Variants in SAP30BP observed in about 807,000 individuals in gnomAD.
The protein encoded by SAP30BP is SAP30-binding protein.
A neutral mutation model predicts 46.3 loss-of-function variants in SAP30BP; 31 were observed. That is an observed-to-expected ratio of 0.67 (90% CI 0.50 to 0.90). The LOEUF (loss-of-function observed/expected upper bound fraction) is 0.90, where lower values mean the gene tolerates loss of function less well. Among genes scored for constraint, SAP30BP ranks in the 40% least tolerant of loss-of-function variants. SAP30BP has a pLI of 0.00. For synonymous variants in SAP30BP, 169 were observed against 144.2 expected (o/e 1.17, Z -1.23); for missense variants, 312 against 391.0 (o/e 0.80, Z 1.70).
chr17:75,693,234 G>A (rs989876989), intron 3 of SAP30BP: 9 of 564,744 alleles, frequency 1.6e-5, no homozygotes, highest in African/African-American at 1.3e-4. Context: ...CGTGGGGCTC[G>A]GGAGCATCCG....
rs1293741066 is a variant in SAP30BP, at chr17:75,693,500, C to T, written c.307+18C>T. On this transcript the variant is annotated intron_variant, in intron 4 of 10. Transcript: ENST00000584667. ...ACTCGTGGGTGAGTATTGGGGGATC[C>T]TGGGGGCACGTTTCTCAGCCTTGCT... is the stretch of plus-strand genomic sequence containing the variant. The T allele has an allele frequency of 1.2e-6, 2 of 1,612,666 alleles. No individual in the cohort carries two copies. The highest frequency in any genetic ancestry group is 2.2e-5 in the South Asian group (2 of 90,908).
At chr17:75,679,179 G>A (rs978922585) in intron 3 of SAP30BP, among the ~76,000 whole-genome samples, 8 of 151,916 alleles carry the variant, frequency 5.3e-5, no homozygotes, top group Non-Finnish European at 1.2e-4. Context: ...TGTATTTTTA[G>A]TAGAGACAGG....
At chr17:75,669,065 C>T (rs572125074) in intron 2 of SAP30BP, among the ~76,000 whole-genome samples, 1 of 151,100 alleles carries the variant, frequency 6.6e-6, no homozygotes, top group African/African-American at 2.4e-5. Context: ...TCGTTTTCAC[C>T]TGCTTTTTCT....
chr17:75,695,159 C>A (rs556452139), intron 4 of SAP30BP, among the ~76,000 whole-genome samples: 6 of 152,318 alleles, frequency 3.9e-5, no homozygotes, highest in South Asian at 2.1e-4. Context: ...ATCTCCCCAC[C>A]CTGGCCCTAC....
chr17:75,706,747 C>T lies in SAP30BP; in HGVS notation c.*226C>T. 1 of 566,920 alleles carries T rather than the reference C, an allele frequency of 1.8e-6. No homozygotes were observed. The highest frequency in any genetic ancestry group is 3.1e-6 in the Non-Finnish European group (1 of 318,254). 35.1% of individuals were successfully genotyped at this position (566,920 alleles called of 1,614,324 possible). On this transcript the variant is annotated 3_prime_UTR_variant, in exon 11 of 11. Transcript: ENST00000584667. This position sits in a 1 kb window ranked among gnomAD's most constrained non-coding sequence, Gnocchi z 4.6. ...TGGGGTCTGCCGCCTATTAAAAGTG[C>T]CGTATTCTTACCTCTTGGCATCTCA...
intron 3 of SAP30BP, among the ~76,000 whole-genome samples, chr17:75,686,230 G>A (rs2060153902): frequency 6.6e-6 from 1 of 152,172 alleles, no homozygotes. Flanking sequence ...AACCTTCTGT[G>A]GTTGGGGCCG....
chr17:75,688,311 G>C (rs2060192012), intron 3 of SAP30BP, among the ~76,000 whole-genome samples: 1 of 152,210 alleles, frequency 6.6e-6, no homozygotes, highest in Admixed American at 6.5e-5. Flanking sequence ...GCCATGGGCT[G>C]TCCCAGGTCT....
intron 2 of SAP30BP, 75 bp downstream of exon 2, chr17:75,668,700 T>C (rs112387675): frequency 2.0e-6 from 2 of 978,774 alleles, no homozygotes. Flanking sequence ...GTGCCAACAG[T>C]GTTCCATTTC....
At chr17:75,677,432 CTTT>C (rs35570298) in intron 3 of SAP30BP, among the ~76,000 whole-genome samples, 3 of 118,294 alleles carry the variant, frequency 2.5e-5, no homozygotes, top group Non-Finnish European at 1.7e-5. Flanking sequence ...GTGAAACTGG[CTTT>C]TTTTTTTTTT....
chr17:75,696,400 C>A (rs938303469), intron 4 of SAP30BP, among the ~76,000 whole-genome samples: 3 of 151,120 alleles, frequency 2.0e-5, no homozygotes, highest in African/African-American at 7.3e-5. Flanking sequence ...AAAAATTAGC[C>A]AGGCATGGTG....
intron 3 of SAP30BP, among the ~76,000 whole-genome samples, chr17:75,677,648 G>A (rs1306818105): frequency 7.5e-6 from 1 of 133,514 alleles, no homozygotes; most frequent in East Asian, 2.2e-4. Flanking sequence ...GTTTCACCAT[G>A]TTGGTGAGGC....
rs1433609424 is a variant in SAP30BP, at chr17:75,706,514, A to G, written c.920A>G (p.Lys307Arg). The G allele has an allele frequency of 6.2e-7, 1 of 1,613,880 alleles. No homozygotes were observed. The highest frequency in any genetic ancestry group is 8.5e-7 in the Non-Finnish European group (1 of 1,179,988). The change falls in exon 11 of 11, where the codon AAG becomes AGG. Residue 307 changes from lysine to arginine, a missense_variant. Coordinates refer to ENST00000584667, the MANE Select transcript of SAP30BP (RefSeq NM_013260.8). This position sits in a 1 kb window ranked among gnomAD's most constrained non-coding sequence, Gnocchi z 4.6. ...GTGGGCACCATTGTGAAGAAGGCCA[A>G]GCAGTGACCTGAGGGGCCACCCTAG... ...SAVGTIVKKA[K>R]Q
At chr17:75,703,112 G>C in intron 6 of SAP30BP, 199 bp from the exon 7 acceptor site, 1 of 588,436 alleles carries the variant, frequency 1.7e-6, no homozygotes, top group Middle Eastern at 4.1e-4. Context: ...CCGTCACCTT[G>C]ACCCTGTGCT....
intron 3 of SAP30BP, among the ~76,000 whole-genome samples, chr17:75,675,992 G>T (rs575923398): frequency 6.6e-6 from 1 of 152,156 alleles, no homozygotes; most frequent in African/African-American, 2.4e-5. Flanking sequence ...AAATGTTAAT[G>T]CAAAGAGTGG....
chr17:75,699,604 C>T (rs921576563), intron 4 of SAP30BP, among the ~76,000 whole-genome samples, 179 bp from the exon 5 acceptor site: 7 of 152,182 alleles, frequency 4.6e-5, no homozygotes, highest in African/African-American at 7.2e-5. Context: ...CCACCCCTTC[C>T]GGTCATTCAG....
At chr17:75,681,620 T>C (rs950703755) in intron 3 of SAP30BP, among the ~76,000 whole-genome samples, 1 of 152,190 alleles carries the variant, frequency 6.6e-6, no homozygotes, top group African/African-American at 2.4e-5. Flanking sequence ...AGGAAGAACT[T>C]TGAGGAGCCT....
At position 75,694,726 on chromosome 17, in the gene SAP30BP, C is replaced by T. The variant is rs549295359; in HGVS notation, c.307+1244C>T. On this transcript the variant is annotated intron_variant, in intron 4 of 10. Coordinates refer to ENST00000584667, the MANE Select transcript of SAP30BP (RefSeq NM_013260.8). Reference sequence around the variant, plus strand: ...CTGCTGTTTACTGTGAGAAACTACACGGCTGGGGATCAGAGAGCAGCCTGT... The same window carrying T: ...CTGCTGTTTACTGTGAGAAACTACATGGCTGGGGATCAGAGAGCAGCCTGT... Among the ~76,000 whole-genome samples the T allele has an allele frequency of 1.7e-4, 26 of 152,326 alleles. No homozygotes were observed. In the East Asian group the frequency reaches 1.9e-3, roughly 11 times the overall value.
intron 3 of SAP30BP, 78 bp from the exon 4 acceptor site, chr17:75,693,362 A>G (rs1047510623): frequency 4.7e-6 from 6 of 1,269,820 alleles, no homozygotes; most frequent in Non-Finnish European, 6.9e-6. Context: ...TTCCTTAAAA[A>G]TCCTGAGTGG....
At chr17:75,681,250 G>GT (rs2060072182) in intron 3 of SAP30BP, among the ~76,000 whole-genome samples, 1 of 152,178 alleles carries the variant, frequency 6.6e-6, no homozygotes. Flanking sequence ...GTTACCCCAG[G>GT]TAGTAGTCTG....
Sources: allele counts gnomAD v4.1 joint callset (sites outside exome capture counted in the v4.1 genomes callset), GRCh38; gene constraint gnomAD v4.1.1; non-coding constraint Gnocchi (gnomAD v3.1); transcripts MANE v1.5; gene names NCBI Gene and HGNC (gene_info 2026-07-23, HGNC 2026-07-21).